CDH2: variants seen among roughly 807,000 people sequenced by gnomAD.
CDH2 encodes cadherin-2.
A neutral mutation model predicts 92.0 loss-of-function variants in CDH2; 17 were observed. The ratio of observed to expected loss-of-function variants is 0.18; its 90% confidence interval spans 0.13 to 0.28. The LOEUF (loss-of-function observed/expected upper bound fraction) is 0.28, where lower values mean the gene tolerates loss of function less well. Ranked by LOEUF, CDH2 falls within the 10% of genes least tolerant of loss-of-function variation. CDH2 has a pLI of 1.00. For synonymous variants in CDH2, 419 were observed against 415.9 expected (o/e 1.01, Z -0.09); for missense variants, 862 against 1,133.1 (o/e 0.76, Z 3.44).
chr18:28,162,750 T>C (rs575329738), intron 1 of CDH2, among the ~76,000 whole-genome samples: 1 of 152,218 alleles, frequency 6.6e-6, no homozygotes, highest in Non-Finnish European at 1.5e-5. Context: ...TAAAGCACTG[T>C]TAAAGCCCTG....
In CDH2 at chr18:27,955,761, G is replaced by GTTTTTTTTTTTT. The variant is rs5823568; in HGVS notation, c.2515-3414_2515-3403dup. Among the ~76,000 whole-genome samples, 35 of 111,708 alleles carry GTTTTTTTTTTTT rather than the reference G, an allele frequency of 3.1e-4. 3 individuals carry two copies. The highest frequency in any genetic ancestry group is 5.6e-4 in the East Asian group (2 of 3,584). 73.3% of individuals were successfully genotyped at this position (111,708 alleles called of 152,430 possible). ...ACAAATCTCTGTTTTCTTTATTTCT[G>GTTTTTTTTTTTT]TTTTTTTTTTTTTTTTTTTAAAGAG... On this transcript the variant is annotated intron_variant, in intron 15 of 15. Coordinates refer to ENST00000269141, the MANE Select transcript of CDH2 (RefSeq NM_001792.5).
intron 2 of CDH2, among the ~76,000 whole-genome samples, chr18:28,111,765 AG>A (rs2144254846): frequency 1.3e-5 from 2 of 152,352 alleles, no homozygotes; most frequent in South Asian, 4.1e-4. Flanking sequence ...AATATGCAAC[AG>A]GGAAAGATTA....
chr18:28,176,940 G>T, intron 1 of CDH2, 23 bp downstream of exon 1: 1 of 1,171,236 alleles, frequency 8.5e-7, no homozygotes. Context: ...CCCGTGGCCC[G>T]GCCCGCGGGG....
chr18:28,009,205 G>T (rs2013026980), intron 5 of CDH2, among the ~76,000 whole-genome samples: 1 of 152,114 alleles, frequency 6.6e-6, no homozygotes, highest in Non-Finnish European at 1.5e-5. Flanking sequence ...TATTGACAAT[G>T]TTAGAAATAA....
intron 15 of CDH2, among the ~76,000 whole-genome samples, chr18:27,961,607 A>G (rs1379676543): frequency 2.0e-5 from 3 of 152,144 alleles, no homozygotes; most frequent in African/African-American, 7.2e-5. Flanking sequence ...TGGGGACGTG[A>G]GGGGTAGAAG....
intron 6 of CDH2, among the ~76,000 whole-genome samples, chr18:27,939,877 C>A (rs1454298489): frequency 6.6e-6 from 1 of 152,132 alleles, no homozygotes; most frequent in Non-Finnish European, 1.5e-5. Flanking sequence ...GTTGTCAGCC[C>A]TCTTCTAGGG....
At chr18:28,013,264 G>T (rs559693971) in intron 3 of CDH2, among the ~76,000 whole-genome samples, 1 of 152,186 alleles carries the variant, frequency 6.6e-6, no homozygotes, top group Non-Finnish European at 1.5e-5. Flanking sequence ...ATTATTAAGG[G>T]ACAAGACAAA....
At chr18:28,115,383 T>C (rs2015480055) in intron 2 of CDH2, among the ~76,000 whole-genome samples, 1 of 152,144 alleles carries the variant, frequency 6.6e-6, no homozygotes, top group Non-Finnish European at 1.5e-5. Flanking sequence ...AATATCCCAG[T>C]GTGAATCACT....
intron 2 of CDH2, among the ~76,000 whole-genome samples, chr18:28,069,190 T>C (rs773971767): frequency 2.8e-4 from 42 of 152,286 alleles, no homozygotes; most frequent in African/African-American, 8.4e-4. Flanking sequence ...CCTATCTTTA[T>C]ATGACAGTAT....
Position 28,013,898 on chromosome 18 carries a change from T to C in CDH2, c.184A>G (p.Asn62Asp). The C allele has an allele frequency of 6.2e-7, 1 of 1,611,808 alleles. No individual in the cohort carries two copies. Among genetic ancestry groups the C allele is most frequent in the Non-Finnish European group, 8.5e-7 (1 of 1,179,474 alleles). The stretch of plus-strand genomic sequence containing the variant: ...TGTACTTTTCTTTTTCCATTGCAGT[T>C]GCTAAACTTCACTGTAAAAGATAAG... ...GQPLLNVKFS[N>D]CNGKRKVQYE... Residue 62 changes from asparagine (N) to aspartate (D), a missense_variant, in exon 3 of 16, where the codon AAC becomes GAC. By Grantham distance (23) the Asn-to-Asp change is conservative. This residue lies in a region of CDH2 where 159 missense variants were observed against 177.2 expected (regional missense o/e 0.90). Coordinates refer to ENST00000269141, the MANE Select transcript of CDH2 (RefSeq NM_001792.5).
At chr18:27,973,273 A>G (rs1158008110) in intron 14 of CDH2, among the ~76,000 whole-genome samples, 1 of 152,152 alleles carries the variant, frequency 6.6e-6, no homozygotes, top group African/African-American at 2.4e-5. Context: ...CTCATATGGT[A>G]ATTATATCTA....
rs775910155 is a variant in CDH2, at chr18:27,985,740, G to T, written c.1763C>A (p.Thr588Lys). 6.2e-7 allele frequency: 1 copy of T among 1,607,806 alleles called. No individual in the cohort carries two copies. Among genetic ancestry groups the T allele is most frequent in the Non-Finnish European group, 8.5e-7 (1 of 1,175,078 alleles). The change falls in exon 12 of 16, where the codon ACA (threonine) becomes AAA (lysine). Residue 588 changes from threonine (T) to lysine (K), a missense_variant. Transcript: ENST00000269141. ...AAGTAAATAGATCTGCAGCGTTCCT[G>T]TTCCACTCATAGGAGGAATTCCTGA... ...SDNGIPPMSG[T>K]GTLQIYLLDI... is the part of the protein sequence containing the mutation.
chr18:28,030,803 TA>T (rs1266492907), intron 2 of CDH2, among the ~76,000 whole-genome samples: 1 of 151,832 alleles, frequency 6.6e-6, no homozygotes, highest in Non-Finnish European at 1.5e-5. Context: ...TTATTACACA[TA>T]AAAAAATCTA....
At chr18:28,136,021 AAGACTTCCC>A (rs769301956) in intron 2 of CDH2, among the ~76,000 whole-genome samples, 2 of 152,202 alleles carry the variant, frequency 1.3e-5, no homozygotes, top group Non-Finnish European at 2.9e-5. Context: ...ACAGAATATA[AAGACTTCCC>A]AGAACCTGAG....
chr18:27,973,194 T>A (rs569525359), intron 14 of CDH2, among the ~76,000 whole-genome samples: 2 of 151,434 alleles, frequency 1.3e-5, no homozygotes, highest in African/African-American at 4.8e-5. Flanking sequence ...CTCATCTACA[T>A]CAATATTGAA....
intron 2 of CDH2, among the ~76,000 whole-genome samples, chr18:28,029,856 T>A (rs1427452516): frequency 6.6e-6 from 1 of 152,080 alleles, no homozygotes; most frequent in African/African-American, 2.4e-5. Context: ...TTGTAAAGGG[T>A]CAAGGTATTT....
chr18:28,020,344 A>G (rs1432435315), intron 2 of CDH2, among the ~76,000 whole-genome samples: 1 of 152,060 alleles, frequency 6.6e-6, no homozygotes, highest in East Asian at 1.9e-4. Flanking sequence ...GCCTTTCAAA[A>G]AGACTTTAAG....
intron 15 of CDH2, among the ~76,000 whole-genome samples, chr18:27,953,320 T>C (rs767495086): frequency 6.6e-6 from 1 of 152,176 alleles, no homozygotes; most frequent in Non-Finnish European, 1.5e-5. Context: ...AATTAGAGTC[T>C]CTATGCTCTG....
At chr18:28,081,630 A>AT (rs2014831048) in intron 2 of CDH2, among the ~76,000 whole-genome samples, 1 of 152,234 alleles carries the variant, frequency 6.6e-6, no homozygotes, top group Non-Finnish European at 1.5e-5. Context: ...TACTTGTATT[A>AT]TTCCACTTAT....
Sources: gnomAD v4.1 joint callset for allele counts (sites outside exome capture counted in the v4.1 genomes callset) on GRCh38, gnomAD v4.1.1 for gene constraint, gnomAD v4.1.1 regional missense constraint, MANE v1.5 for transcripts, NCBI Gene and HGNC (gene_info 2026-07-23, HGNC 2026-07-21) for gene names.